The following CDR2L variants were observed in gnomAD, a reference collection of about 807,000 sequenced individuals.
The protein encoded by CDR2L is cerebellar degeneration related protein 2 like.
CDR2L carries 19 observed loss-of-function variants against 36.1 expected under a neutral mutation model. The observed-to-expected ratio is 0.53, with a 90% CI of 0.37 to 0.77. The LOEUF is 0.77. CDR2L is among the 30% of genes least tolerant of loss of function. The pLI, the probability that CDR2L is intolerant of heterozygous loss-of-function variation, is 0.00. For missense variants in CDR2L, 575 were observed against 627.2 expected (o/e 0.92, Z 0.89); for synonymous variants, 285 against 280.4 (o/e 1.02, Z -0.16).
chr17:75,002,598 C>G lies in CDR2L; in HGVS notation c.506+370C>G, dbSNP rs1176425580. On this transcript the variant is annotated intron_variant, in intron 4 of 4. Transcript: ENST00000337231. The surrounding 1 kb of genome is among the most constrained non-coding windows in gnomAD (Gnocchi z 4.1). ...TCCCATTAAATCTAACACTAGACAA[C>G]CACTTAATAATGGAAAAATACATGT... is the stretch of plus-strand genomic sequence containing the variant. Among the ~76,000 whole-genome samples, 1 of 152,174 alleles carries G rather than the reference C, an allele frequency of 6.6e-6. No individual in the cohort carries two copies. Among genetic ancestry groups the G allele is most frequent in the African/African-American group, 2.4e-5 (1 of 41,428 alleles).
At position 75,003,832 on chromosome 17, in the gene CDR2L, G is replaced by A. The variant is rs1156489638; in HGVS notation, c.1156G>A (p.Val386Met). 2 of 1,567,502 alleles carry A rather than the reference G, an allele frequency of 1.3e-6. No individual in the cohort carries two copies. The highest frequency in any genetic ancestry group is 1.7e-6 in the Non-Finnish European group (2 of 1,157,454). ...QHGAGVRHAG[V>M]QTSRPISRDS... ...CGGGGCCGGAGTGCGGCACGCCGGCGTGCAGACCTCGCGCCCCATCTCCCG... is the reference window on the plus strand; with the variant it reads ...CGGGGCCGGAGTGCGGCACGCCGGCATGCAGACCTCGCGCCCCATCTCCCG... Residue 386 changes from valine (V) to methionine (M), a missense_variant, in exon 5 of 5, where the codon GTG becomes ATG. Transcript: ENST00000337231.
intron 3 of CDR2L, 71 bp from the exon 4 acceptor site, chr17:75,001,993 G>A: frequency 7.4e-7 from 1 of 1,353,586 alleles, no homozygotes; most frequent in Non-Finnish European, 9.8e-7. Context: ...TCTTCAGGGA[G>A]CCAGGGCTGC....
chr17:75,000,451 C>T (rs145468206), intron 2 of CDR2L, among the ~76,000 whole-genome samples: 2,472 of 150,360 alleles, frequency 0.016, 32 homozygotes, highest in Non-Finnish European at 0.027. Flanking sequence ...CGCCCACCAC[C>T]GCACCCGGTT....
Position 74,987,975 on chromosome 17 carries a change from A to G in CDR2L, c.-69A>G, listed in dbSNP as rs2039773481. 1 of 908,120 alleles carries G rather than the reference A, an allele frequency of 1.1e-6. No homozygotes were observed. Among genetic ancestry groups the G allele is most frequent in the Non-Finnish European group, 1.5e-6 (1 of 678,472 alleles). 56.3% of individuals were successfully genotyped at this position (908,120 alleles called of 1,614,324 possible). A position where few individuals can be genotyped will look rare whatever the true frequency, so the allele number is the denominator to read the frequency against. ...TGGAGGCCCGGCCCGCCTCAGCCGC[A>G]TTGTCCCGGGCCGCGCGCACCGGCC... On this transcript the variant is annotated 5_prime_UTR_variant, in exon 1 of 5. Transcript: ENST00000337231.
rs368260807 is a variant in CDR2L at position 75,003,814 on chromosome 17, G to C, written c.1138G>C (p.Gly380Arg). Residue 380 changes from glycine to arginine, a missense_variant, in exon 5 of 5, where the codon GGA becomes CGA. Gly to Arg is a moderately radical substitution (Grantham distance 125). Transcript: ENST00000337231. The stretch of plus-strand genomic sequence containing the variant: ...GAGCAAGTGCCGGCAGCACGGGGCC[G>C]GAGTGCGGCACGCCGGCGTGCAGAC... ...LLSKCRQHGAGVRHAGVQTSR... is the reference protein window; with the variant it reads ...LLSKCRQHGARVRHAGVQTSR... 6.4e-7 allele frequency: 1 copy of C among 1,551,594 alleles called. No individual in the cohort carries two copies. The highest frequency in any genetic ancestry group is 1.4e-5 in the African/African-American group (1 of 73,214).
Position 75,003,214 on chromosome 17 carries a change from TC to T in CDR2L, c.541del (p.Leu181TrpfsTer26). 1 of 1,566,502 alleles carries T rather than the reference TC, an allele frequency of 6.4e-7. No homozygotes were observed. The highest frequency in any genetic ancestry group is 8.6e-7 in the Non-Finnish European group (1 of 1,156,698). ...GGATGCTTTCCGCCTACACAGTTCC[TC>T]CCTGGAGCTGGGCCCGCGGCCCCTG... ...CKDAFRLHSS[S>X]LELGPRPLEQ... On this transcript the variant is annotated frameshift_variant, in exon 5 of 5. Transcript: ENST00000337231. LOFTEE classifies it high-confidence loss of function.
intron 1 of CDR2L, among the ~76,000 whole-genome samples, chr17:74,992,842 C>T (rs1482502959): frequency 3.9e-5 from 6 of 152,156 alleles, no homozygotes; most frequent in Admixed American, 3.9e-4. Context: ...CCTGGCCTGC[C>T]AGCATTAGAA....
In CDR2L at chr17:75,004,329, C is replaced by T; in HGVS notation, c.*255C>T. 1 of 426,066 alleles carries T rather than the reference C, an allele frequency of 2.3e-6. No homozygotes were observed. The allele number at this position is 426,066 out of a possible 1,614,324, so 26.4% of individuals were successfully genotyped here. A position where few individuals can be genotyped will look rare whatever the true frequency, so the allele number is the denominator to read the frequency against. ...TCAAAGCCAAATGTCCCCACTACCC[C>T]AGGGATCCCCCAGCTCCCCCAGCCC... On this transcript the variant is annotated 3_prime_UTR_variant, in exon 5 of 5. Transcript: ENST00000337231.
Position 74,993,571 on chromosome 17 carries a change from T to C in CDR2L, c.79+5449T>C, listed in dbSNP as rs192943611. On this transcript the variant is annotated intron_variant, in intron 1 of 4. Transcript: ENST00000337231. Reference sequence around the variant, plus strand: ...TGACAGGTCATAAATTCATACAGCATATATCCGCATTCCCTTACTAGGTTT... The same window carrying C: ...TGACAGGTCATAAATTCATACAGCACATATCCGCATTCCCTTACTAGGTTT... 5.9e-5 allele frequency among the ~76,000 whole-genome samples: 9 copies of C among 152,364 alleles called. No homozygotes were observed. The East Asian group carries it at 1.5e-3, about 26-fold the overall frequency.
chr17:74,993,022 G>T (rs748193744), intron 1 of CDR2L, among the ~76,000 whole-genome samples: 1 of 152,226 alleles, frequency 6.6e-6, no homozygotes, highest in Non-Finnish European at 1.5e-5. Flanking sequence ...ACGGCAGGAG[G>T]TAGAATCAGT....
intron 1 of CDR2L, among the ~76,000 whole-genome samples, chr17:74,998,037 G>A (rs1003543363): frequency 1.3e-5 from 2 of 151,708 alleles, no homozygotes; most frequent in Non-Finnish European, 2.9e-5. Context: ...TGGCTAACAC[G>A]GTGAAACCCC....
chr17:75,002,347 G>A lies in CDR2L; in HGVS notation c.506+119G>A, dbSNP rs1040828059. 1 of 850,528 alleles carries A rather than the reference G, an allele frequency of 1.2e-6. No individual in the cohort carries two copies. Among genetic ancestry groups the A allele is most frequent in the East Asian group, 2.9e-5 (1 of 34,850 alleles). The allele number at this position is 850,528 out of a possible 1,614,324, so 52.7% of individuals were successfully genotyped here. A position where few individuals can be genotyped will look rare whatever the true frequency, so the allele number is the denominator to read the frequency against. ...GGCCATCAGAGAGACTGGTCCTGTT[G>A]CTAATGACAGTCACAGCAGCTGGCG... On this transcript the variant is annotated intron_variant, in intron 4 of 4. Coordinates refer to ENST00000337231, the MANE Select transcript of CDR2L (RefSeq NM_014603.3). This position sits in a 1 kb window ranked among gnomAD's most constrained non-coding sequence, Gnocchi z 4.1.
intron 1 of CDR2L, among the ~76,000 whole-genome samples, chr17:74,993,475 T>A (rs540106636): frequency 6.6e-6 from 1 of 152,312 alleles, no homozygotes; most frequent in Non-Finnish European, 1.5e-5. Flanking sequence ...GGGGTCTCAC[T>A]ATGTTGCCCA....
At chr17:74,997,616 C>CG (rs1281503070) in intron 1 of CDR2L, among the ~76,000 whole-genome samples, 2 of 152,100 alleles carry the variant, frequency 1.3e-5, no homozygotes, top group East Asian at 1.9e-4. Flanking sequence ...CTGCCAGGTG[C>CG]GGTGGCTCAC....
chr17:75,003,147 C>A, intron 4 of CDR2L, 36 bp from the exon 5 acceptor site: 3 of 1,547,678 alleles, frequency 1.9e-6, no homozygotes, highest in Non-Finnish European at 1.7e-6. Context: ...CCCTCTCCTC[C>A]GCCCCCACCC....
intron 4 of CDR2L, 106 bp from the exon 5 acceptor site, chr17:75,003,077 C>T: frequency 8.3e-7 from 1 of 1,199,398 alleles, no homozygotes; most frequent in Non-Finnish European, 1.2e-6. Context: ...GCCCAGAGAA[C>T]AAGAGAGATG....
chr17:74,999,687 T>C, intron 2 of CDR2L, 71 bp downstream of exon 2: 1 of 871,430 alleles, frequency 1.1e-6, no homozygotes, highest in Non-Finnish European at 1.8e-6. Flanking sequence ...TTATGCAACT[T>C]AGAATAAGGT....
Position 75,003,405 on chromosome 17 carries a change from T to G in CDR2L, c.729T>G (p.Arg243=). 1.3e-6 allele frequency: 2 copies of G among 1,570,506 alleles called. No homozygotes were observed. The highest frequency in any genetic ancestry group is 1.7e-6 in the Non-Finnish European group (2 of 1,158,978). ...QLCEMEACRL[R]VQELEAELLE... Reference sequence around the variant, plus strand: ...GCGAGATGGAGGCCTGTCGCCTGCGTGTGCAGGAGCTGGAGGCCGAGCTGC... The same window carrying G: ...GCGAGATGGAGGCCTGTCGCCTGCGGGTGCAGGAGCTGGAGGCCGAGCTGC... Residue 243 remains arginine, a synonymous_variant, in exon 5 of 5, where the codon CGT becomes CGG. Coordinates refer to ENST00000337231, the MANE Select transcript of CDR2L (RefSeq NM_014603.3).
At chr17:75,000,640 C>G (rs1290091049) in intron 2 of CDR2L, among the ~76,000 whole-genome samples, 1 of 146,704 alleles carries the variant, frequency 6.8e-6, no homozygotes, top group African/African-American at 2.5e-5. Context: ...AAAGGCCGGG[C>G]ACAGTGGCTC....
Sources: gnomAD v4.1 joint callset for allele counts (sites outside exome capture counted in the v4.1 genomes callset) on GRCh38, gnomAD v4.1.1 for gene constraint, Gnocchi (gnomAD v3.1) non-coding constraint, MANE v1.5 for transcripts, NCBI Gene and HGNC (gene_info 2026-07-23, HGNC 2026-07-21) for gene names.